The following DOK6 variants were observed in gnomAD, a reference collection of about 807,000 sequenced individuals.
The protein encoded by DOK6 is docking protein 6, also known as downstream of tyrosine kinase 6.
A neutral mutation model predicts 44.0 loss-of-function variants in DOK6; 22 were observed. That is an observed-to-expected ratio of 0.50 (90% CI 0.36 to 0.71). The LOEUF is 0.71. DOK6 is among the 30% of genes least tolerant of loss of function. DOK6 has a pLI of 0.00. For synonymous variants in DOK6, 166 were observed against 145.5 expected (o/e 1.14, Z -1.01); for missense variants, 340 against 416.4 (o/e 0.82, Z 1.60).
In DOK6 at chr18:69,623,308, C is replaced by CT. The variant is rs1312621034; in HGVS notation, c.289+23813dup. The stretch of plus-strand genomic sequence containing the variant: ...ACAGATTACCCAGTCTCAGGTAGTT[C>CT]TTTACAGCATTGCAAGAACAGACTA... On this transcript the variant is annotated intron_variant, in intron 3 of 7. Transcript: ENST00000382713. 4.6e-5 allele frequency among the ~76,000 whole-genome samples: 7 copies of CT among 152,238 alleles called. No homozygotes were observed. In the East Asian group the frequency reaches 9.7e-4, roughly 21 times the overall value.
At chr18:69,497,695 T>A (rs978649729) in intron 1 of DOK6, among the ~76,000 whole-genome samples, 11 of 152,244 alleles carry the variant, frequency 7.2e-5, no homozygotes, top group African/African-American at 2.7e-4. Context: ...AATGAATGGA[T>A]ATTCACTTTA....
At chr18:69,768,010 G>T (rs1979770654) in intron 7 of DOK6, among the ~76,000 whole-genome samples, 1 of 152,038 alleles carries the variant, frequency 6.6e-6, no homozygotes, top group African/African-American at 2.4e-5. Context: ...TTCAAATTTG[G>T]TGGAAATTAA....
At chr18:69,412,699 T>C (rs762612212) in intron 1 of DOK6, among the ~76,000 whole-genome samples, 18 of 152,156 alleles carry the variant, frequency 1.2e-4, no homozygotes, top group Non-Finnish European at 2.4e-4. Context: ...CTACTTGTCA[T>C]TTCTTTATTT....
intron 1 of DOK6, among the ~76,000 whole-genome samples, chr18:69,411,602 C>T (rs1021018145): frequency 4.6e-5 from 7 of 152,096 alleles, no homozygotes; most frequent in African/African-American, 1.7e-4. Flanking sequence ...CTCTTTTCTT[C>T]TGTCTGCTTT....
intron 7 of DOK6, among the ~76,000 whole-genome samples, chr18:69,810,244 GA>G (rs1981182777): frequency 6.6e-6 from 1 of 151,878 alleles, no homozygotes; most frequent in South Asian, 2.1e-4. Flanking sequence ...ATGGTATTGG[GA>G]AAACTGTATA....
intron 1 of DOK6, among the ~76,000 whole-genome samples, chr18:69,482,248 T>G (rs1403772577): frequency 6.6e-6 from 1 of 152,196 alleles, no homozygotes; most frequent in Non-Finnish European, 1.5e-5. Flanking sequence ...TTTGTCAATT[T>G]TGGCTTTTGT....
At chr18:69,420,379 A>T (rs1978456027) in intron 1 of DOK6, among the ~76,000 whole-genome samples, 1 of 152,176 alleles carries the variant, frequency 6.6e-6, no homozygotes, top group East Asian at 1.9e-4. Context: ...TCTATTAGGA[A>T]TCATCCCAAC....
chr18:69,832,125 G>T (rs1432226375), intron 7 of DOK6, among the ~76,000 whole-genome samples: 1 of 152,114 alleles, frequency 6.6e-6, no homozygotes, highest in African/African-American at 2.4e-5. Flanking sequence ...TAGTGGAAAG[G>T]CTTTCAATTT....
intron 5 of DOK6, among the ~76,000 whole-genome samples, chr18:69,707,884 T>C (rs1339710916): frequency 6.6e-6 from 1 of 152,160 alleles, no homozygotes; most frequent in South Asian, 2.1e-4. Flanking sequence ...CTGAAGAAGA[T>C]GATTTGCACG....
intron 7 of DOK6, among the ~76,000 whole-genome samples, chr18:69,837,570 C>CCA (rs1555673912): frequency 1.5e-5 from 2 of 136,350 alleles, no homozygotes; most frequent in Admixed American, 7.0e-5. Context: ...AGGTGTTCAG[C>CCA]AAAAAAAAAA....
intron 6 of DOK6, among the ~76,000 whole-genome samples, chr18:69,752,416 ATT>A (rs1026532168): frequency 1.3e-4 from 20 of 152,124 alleles, no homozygotes; most frequent in African/African-American, 4.8e-4. Flanking sequence ...AATGTTTAAA[ATT>A]TTTCTCAAAA....
chr18:69,701,516 T>G (rs1035382604), intron 5 of DOK6, among the ~76,000 whole-genome samples: 1 of 152,210 alleles, frequency 6.6e-6, no homozygotes, highest in African/African-American at 2.4e-5. Flanking sequence ...ACTTGACATT[T>G]TTACTTCATG....
At chr18:69,617,757 A>AGAAG (rs1320705157) in intron 3 of DOK6, among the ~76,000 whole-genome samples, 8 of 141,218 alleles carry the variant, frequency 5.7e-5, no homozygotes, top group South Asian at 2.4e-4. Context: ...AAGGAAGGAA[A>AGAAG]GAAGGAAGGA....
chr18:69,458,110 G>A (rs7240065), intron 1 of DOK6, among the ~76,000 whole-genome samples: 42,549 of 152,016 alleles, frequency 0.28, 6,646 homozygotes, highest in African/African-American at 0.4. Flanking sequence ...GCAAGCCAAG[G>A]TCATGCCATT....
intron 2 of DOK6, among the ~76,000 whole-genome samples, chr18:69,565,474 CGTGTGTGTGT>C (rs869115556): frequency 2.2e-4 from 19 of 87,606 alleles, no homozygotes; most frequent in African/African-American, 6.8e-4. Flanking sequence ...TCTGTCTCTA[CGTGTGTGTGT>C]GTGTGTGTGT....
chr18:69,736,043 C>G (rs1257556611), intron 5 of DOK6, among the ~76,000 whole-genome samples: 1 of 152,192 alleles, frequency 6.6e-6, no homozygotes, highest in South Asian at 2.1e-4. Context: ...TTGTCCTCCT[C>G]ATGGCCCTGT....
At chr18:69,703,048 G>A in intron 5 of DOK6, among the ~76,000 whole-genome samples, 1 of 81,704 alleles carries the variant, frequency 1.2e-5, no homozygotes, top group Admixed American at 1.1e-4. Flanking sequence ...CTCTCTCCGA[G>A]GGGGAAAAAA....
At chr18:69,479,004 A>G (rs1016356002) in intron 1 of DOK6, among the ~76,000 whole-genome samples, 1 of 152,188 alleles carries the variant, frequency 6.6e-6, no homozygotes, top group African/African-American at 2.4e-5. Flanking sequence ...TATACATCCA[A>G]TTTAGATATT....
rs1055035874 is a variant in DOK6 at position 69,545,554 on chromosome 18, C to G, written c.67-18933C>G. 1.3e-5 allele frequency among the ~76,000 whole-genome samples: 2 copies of G among 149,128 alleles called. 1 individual carries two copies. The highest frequency in any genetic ancestry group is 3.0e-5 in the Non-Finnish European group (2 of 67,212). On this transcript the variant is annotated intron_variant, in intron 1 of 7. Coordinates refer to ENST00000382713, the MANE Select transcript of DOK6 (RefSeq NM_152721.6). ...AAAAAGAAAAGAAAAAACACTTGAC[C>G]TCCTCAAAAATTGCCACTACTTAGA...
Sources: gnomAD v4.1 joint callset for allele counts (sites outside exome capture counted in the v4.1 genomes callset) on GRCh38, gnomAD v4.1.1 for gene constraint, MANE v1.5 for transcripts, NCBI Gene and HGNC (gene_info 2026-07-23, HGNC 2026-07-21) for gene names.